The following C4orf51 variants were observed in gnomAD, a reference collection of about 807,000 sequenced individuals.
The protein encoded by C4orf51 is chromosome 4 open reading frame 51, also known as uncharacterized protein C4orf51.
Under a neutral mutation model 25.2 loss-of-function variants are expected in C4orf51, and 25 were observed. The observed-to-expected ratio is 0.99, with a 90% CI of 0.72 to 1.39. The LOEUF is 1.39. Ranked by LOEUF, C4orf51 falls within the 40% of genes most tolerant of loss-of-function variation. C4orf51 has a pLI of 0.00. For synonymous variants in C4orf51, 100 were observed against 84.5 expected (o/e 1.18, Z -1.01); for missense variants, 252 against 239.6 (o/e 1.05, Z -0.34).
At chr4:145,740,490 C>T (rs1232144442) in intron 1 of C4orf51, among the ~76,000 whole-genome samples, 1 of 152,110 alleles carries the variant, frequency 6.6e-6, no homozygotes, top group Non-Finnish European at 1.5e-5. Context: ...TATAAATACC[C>T]TTCTGAAATT....
At chr4:145,714,633 A>G (rs1731303854) in intron 2 of C4orf51, among the ~76,000 whole-genome samples, 2 of 152,186 alleles carry the variant, frequency 1.3e-5, no homozygotes, top group Non-Finnish European at 2.9e-5. Context: ...TAAATTTGTC[A>G]GGAAATTTGT....
At chr4:145,760,941 T>C in intron 1 of C4orf51, 1 of 1,230,762 alleles carries the variant, frequency 8.1e-7, no homozygotes, top group Non-Finnish European at 1.0e-6. Context: ...GGGCAAAATC[T>C]GAGTTCCGGT....
At chr4:145,714,033 T>C (rs1731268177) in intron 2 of C4orf51, among the ~76,000 whole-genome samples, 1 of 152,222 alleles carries the variant, frequency 6.6e-6, no homozygotes, top group Non-Finnish European at 1.5e-5. Flanking sequence ...TCTGCCCACC[T>C]TGGCCTCCCA....
At chr4:145,713,098 C>T (rs749022105) in intron 2 of C4orf51, among the ~76,000 whole-genome samples, 8 of 152,174 alleles carry the variant, frequency 5.3e-5, no homozygotes, top group Non-Finnish European at 7.3e-5. Context: ...ATATTACTGC[C>T]GACTGACAAT....
At chr4:145,682,513 A>C (rs1201546245) in intron 1 of C4orf51, among the ~76,000 whole-genome samples, 1 of 152,208 alleles carries the variant, frequency 6.6e-6, no homozygotes, top group African/African-American at 2.4e-5. Flanking sequence ...CAAAACATAA[A>C]ATGACTGATC....
chr4:145,765,165 C>A lies in C4orf51; in HGVS notation n.167-5823C>A. 3 of 1,600,986 alleles carry A rather than the reference C, an allele frequency of 1.9e-6. No homozygotes were observed. Among genetic ancestry groups the A allele is most frequent in the Non-Finnish European group, 2.6e-6 (3 of 1,173,364 alleles). ...AAAGTTGCAAAAAACACATTCGAAC[C>A]CTGCAAGGACCGAAGCTGGGTATAG... On this transcript the variant is annotated intron_variant and non_coding_transcript_variant, in intron 1 of 1. Transcript: ENST00000510096. The surrounding 1 kb of genome is among the most constrained non-coding windows in gnomAD (Gnocchi z 4.7).
chr4:145,785,027 T>C, the C4orf51 span, among the ~76,000 whole-genome samples: 1 of 152,246 alleles, frequency 6.6e-6, no homozygotes, highest in South Asian at 2.1e-4. Context: ...GATGTTTGCC[T>C]TGAATGTCAT....
intron 1 of C4orf51, chr4:145,760,107 G>A (rs903467245): frequency 1.2e-4 from 19 of 152,198 alleles, no homozygotes; most frequent in African/African-American, 4.6e-4. Flanking sequence ...GCGCTCTGGC[G>A]GAAATCTCCA....
At chr4:145,741,003 C>A (rs955182555) in intron 1 of C4orf51, among the ~76,000 whole-genome samples, 2 of 152,158 alleles carry the variant, frequency 1.3e-5, no homozygotes, top group Non-Finnish European at 2.9e-5. Flanking sequence ...GCTGTCTCCA[C>A]GGCTGAAGTG....
chr4:145,709,412 C>T (rs1731012017), intron 2 of C4orf51, among the ~76,000 whole-genome samples: 1 of 152,176 alleles, frequency 6.6e-6, no homozygotes, highest in African/African-American at 2.4e-5. Context: ...TGCCAAGAGA[C>T]AGGGAAAGGG....
In C4orf51 at chr4:145,765,040, C is replaced by T. The variant is rs1490189320; in HGVS notation, n.167-5948C>T. Reference sequence around the variant, plus strand: ...CATTTCTTATGCTCCAGCAGCTGTTCGGGGGTCTTCATGAACTTGTGGCAC... The same window carrying T: ...CATTTCTTATGCTCCAGCAGCTGTTTGGGGGTCTTCATGAACTTGTGGCAC... On this transcript the variant is annotated intron_variant and non_coding_transcript_variant, in intron 1 of 1. Coordinates refer to the C4orf51 transcript ENST00000510096. This position sits in a 1 kb window ranked among gnomAD's most constrained non-coding sequence, Gnocchi z 4.7. 21 of 1,613,998 alleles carry T rather than the reference C, an allele frequency of 1.3e-5. No individual in the cohort carries two copies. The highest frequency in any genetic ancestry group is 2.2e-5 in the East Asian group (1 of 44,898).
chr4:145,699,266 C>CTT (rs1730274768), intron 2 of C4orf51, among the ~76,000 whole-genome samples: 1 of 104,462 alleles, frequency 9.6e-6, no homozygotes, highest in Admixed American at 1.1e-4. Flanking sequence ...CACACGGATG[C>CTT]GCAAGAAATT....
chr4:145,753,140 TTGTGTGTGTGTGTGTG>T (rs57325282), intron 1 of C4orf51, among the ~76,000 whole-genome samples: 6 of 145,752 alleles, frequency 4.1e-5, no homozygotes, highest in Admixed American at 6.8e-5. Flanking sequence ...TATGAAGGTT[TTGTGTGTGTGTGTGTG>T]TGTGTGTGTG....
chr4:145,770,224 G>A (rs939504737), intron 1 of C4orf51, among the ~76,000 whole-genome samples: 1 of 152,032 alleles, frequency 6.6e-6, no homozygotes, highest in East Asian at 1.9e-4. Context: ...GCTTGAACTT[G>A]AGAGGTGGAG....
intron 5 of C4orf51, 48 bp downstream of exon 5, chr4:145,730,013 C>A: frequency 6.5e-7 from 1 of 1,540,068 alleles, no homozygotes; most frequent in South Asian, 1.1e-5. Context: ...GTGGGGTAGT[C>A]AGGAAGCGGG....
At chr4:145,699,100 A>T (rs942930342) in intron 2 of C4orf51, among the ~76,000 whole-genome samples, 8 of 150,638 alleles carry the variant, frequency 5.3e-5, no homozygotes, top group African/African-American at 1.7e-4. Context: ...CAGAGAACAA[A>T]CCCCCTTTGA....
chr4:145,725,520 T>C (rs769813392), intron 2 of C4orf51, among the ~76,000 whole-genome samples: 2 of 152,100 alleles, frequency 1.3e-5, no homozygotes, highest in Non-Finnish European at 2.9e-5. Context: ...GCAGCCAAAA[T>C]TGGAAACCCT....
intron 1 of C4orf51, among the ~76,000 whole-genome samples, chr4:145,750,679 T>C (rs986218520): frequency 1.3e-5 from 2 of 152,172 alleles, no homozygotes; most frequent in Non-Finnish European, 2.9e-5. Flanking sequence ...TGTTGGTATC[T>C]TTCTCTAGGT....
chr4:145,727,042 T>TA, intron 3 of C4orf51, 73 bp downstream of exon 3: 7 of 1,223,192 alleles, frequency 5.7e-6, no homozygotes, highest in East Asian at 2.3e-5. Context: ...TATTATTCAT[T>TA]AAAAAAACAA....
Sources: allele counts gnomAD v4.1 joint callset (sites outside exome capture counted in the v4.1 genomes callset), GRCh38; gene constraint gnomAD v4.1.1; non-coding constraint Gnocchi (gnomAD v3.1); transcripts MANE v1.5; gene names NCBI Gene and HGNC (gene_info 2026-07-23, HGNC 2026-07-21).